The following HHAT variants were observed in gnomAD, a reference collection of about 807,000 sequenced individuals.
The protein encoded by HHAT is protein-cysteine N-palmitoyltransferase HHAT.
A neutral mutation model predicts 70.8 loss-of-function variants in HHAT; 47 were observed. That is an observed-to-expected ratio of 0.66 (90% CI 0.53 to 0.85). HHAT has a LOEUF of 0.85. HHAT is among the 40% of genes least tolerant of loss of function. HHAT has a pLI of 0.00. For missense variants in HHAT, 609 were observed against 604.8 expected (o/e 1.01, Z -0.07); for synonymous variants, 228 against 247.6 (o/e 0.92, Z 0.74).
At chr1:210,447,148 G>A (rs12025108) in intron 7 of HHAT, among the ~76,000 whole-genome samples, 52,182 of 151,968 alleles carry the variant, frequency 0.34, 9,395 homozygotes, top group Admixed American at 0.48. Flanking sequence ...GTGACGTTGG[G>A]AAAACCACTT....
chr1:210,455,713 A>G (rs191775121), intron 7 of HHAT, among the ~76,000 whole-genome samples: 308 of 152,276 alleles, frequency 2.0e-3, no homozygotes, highest in Non-Finnish European at 3.3e-3. Flanking sequence ...GAATGGAGCA[A>G]ACACTGGTTT....
chr1:210,385,466 G>C (rs925899846), intron 3 of HHAT, among the ~76,000 whole-genome samples: 1 of 152,146 alleles, frequency 6.6e-6, no homozygotes. Context: ...TCAGGAGCCA[G>C]GTTAAAGCTT....
chr1:210,342,744 G>C (rs1161586544), intron 1 of HHAT, among the ~76,000 whole-genome samples: 1 of 152,206 alleles, frequency 6.6e-6, no homozygotes, highest in Non-Finnish European at 1.5e-5. Context: ...TGCTTGTTTA[G>C]AGTATGAGAA....
intron 10 of HHAT, among the ~76,000 whole-genome samples, chr1:210,623,156 C>T (rs777206219): frequency 3.3e-5 from 5 of 152,184 alleles, no homozygotes; most frequent in Admixed American, 2.6e-4. Flanking sequence ...ACTGCAGCCT[C>T]GAACTCCCGG....
At chr1:210,436,147 G>T (rs1476317902) in intron 7 of HHAT, among the ~76,000 whole-genome samples, 1 of 151,776 alleles carries the variant, frequency 6.6e-6, no homozygotes, top group African/African-American at 2.4e-5. Context: ...TATGGTGAGA[G>T]ATAGAGGTCT....
intron 11 of HHAT, among the ~76,000 whole-genome samples, chr1:210,635,678 G>A (rs1316394298): frequency 6.6e-6 from 1 of 152,140 alleles, no homozygotes; most frequent in African/African-American, 2.4e-5. Context: ...CTCTGAGATG[G>A]GCAAAAATAC....
At chr1:210,595,095 C>A (rs1192755879) in intron 10 of HHAT, among the ~76,000 whole-genome samples, 1 of 152,080 alleles carries the variant, frequency 6.6e-6, no homozygotes, top group East Asian at 1.9e-4. Context: ...AGGTATATCT[C>A]CTAATGCTAT....
chr1:210,334,663 C>A (rs1035955417), intron 1 of HHAT, among the ~76,000 whole-genome samples: 1 of 151,706 alleles, frequency 6.6e-6, no homozygotes, highest in African/African-American at 2.4e-5. Flanking sequence ...AGTGTATACA[C>A]CCTACCTTTT....
chr1:210,468,816 A>G (rs1189164527), intron 8 of HHAT, among the ~76,000 whole-genome samples: 8 of 152,126 alleles, frequency 5.3e-5, no homozygotes, highest in African/African-American at 1.9e-4. Flanking sequence ...GAATAGGGTG[A>G]GCATAAAGAA....
At chr1:210,437,254 G>A (rs1002979416) in intron 7 of HHAT, among the ~76,000 whole-genome samples, 2 of 151,876 alleles carry the variant, frequency 1.3e-5, no homozygotes, top group East Asian at 3.8e-4. Flanking sequence ...GAATCCCATA[G>A]CCCATCGTCT....
chr1:210,650,019 C>T (rs1187042516), intron 11 of HHAT, among the ~76,000 whole-genome samples: 1 of 152,164 alleles, frequency 6.6e-6, no homozygotes, highest in Non-Finnish European at 1.5e-5. Flanking sequence ...ACATTCTTGT[C>T]AGAGTTTTTC....
chr1:210,515,387 A>G (rs1159396597), intron 9 of HHAT, among the ~76,000 whole-genome samples: 4 of 152,192 alleles, frequency 2.6e-5, no homozygotes, highest in Admixed American at 6.5e-5. Flanking sequence ...GGCTGGGAGC[A>G]GAGTCAGTTC....
chr1:210,587,766 T>A (rs773058235), intron 9 of HHAT, 132 bp from the exon 10 acceptor site: 10 of 699,780 alleles, frequency 1.4e-5, no homozygotes, highest in Admixed American at 1.0e-4. Flanking sequence ...ATCCAAGGAA[T>A]CTGGCCTCTT....
At position 210,336,287 on chromosome 1, in the gene HHAT, A is replaced by ATTTTTTTTTTTTTTTTTTTTTTT. The variant is rs541795412; in HGVS notation, c.-44+7184_-44+7206dup. On this transcript the variant is annotated intron_variant, in intron 1 of 11. Coordinates refer to ENST00000261458, the MANE Select transcript of HHAT (RefSeq NM_018194.6). ...AGGCATGCACCACTGTGCCTGGCTAATTTTTTTTTTTTTTTTTTTTTTTAG... is the reference window on the plus strand; with the variant it reads ...AGGCATGCACCACTGTGCCTGGCTAATTTTTTTTTTTTTTTTTTTTTTTTTTTTTTTTTTTTTTTTTTTTTTAG... 3.5e-3 allele frequency among the ~76,000 whole-genome samples: 299 copies of ATTTTTTTTTTTTTTTTTTTTTTT among 84,568 alleles called. 36 individuals carry two copies. The highest frequency in any genetic ancestry group is 4.6e-3 in the Non-Finnish European group (195 of 42,320). 55.5% of individuals were successfully genotyped at this position (84,568 alleles called of 152,430 possible). A position where few individuals can be genotyped will look rare whatever the true frequency, so the allele number is the denominator to read the frequency against.
intron 10 of HHAT, among the ~76,000 whole-genome samples, chr1:210,607,379 GT>G (rs869123763): frequency 6.9e-5 from 1 of 14,406 alleles, no homozygotes; most frequent in Non-Finnish European, 4.2e-4. Context: ...TGTTTATGTT[GT>G]TTAATTGGAT....
At chr1:210,649,684 C>A (rs571305466) in intron 11 of HHAT, among the ~76,000 whole-genome samples, 1 of 152,330 alleles carries the variant, frequency 6.6e-6, no homozygotes, top group South Asian at 2.1e-4. Context: ...TATGTGTTGT[C>A]AACTCTCATG....
At chr1:210,339,048 C>G (rs180927318) in intron 1 of HHAT, among the ~76,000 whole-genome samples, 1 of 151,976 alleles carries the variant, frequency 6.6e-6, no homozygotes, top group African/African-American at 2.4e-5. Flanking sequence ...TGTCTCAAAA[C>G]AAAAACAACA....
chr1:210,582,788 G>A (rs1480637489), intron 9 of HHAT, among the ~76,000 whole-genome samples: 1 of 152,222 alleles, frequency 6.6e-6, no homozygotes, highest in Admixed American at 6.5e-5. Context: ...TTGTGGGACA[G>A]AGGGCAACTA....
intron 1 of HHAT, among the ~76,000 whole-genome samples, chr1:210,338,840 G>C (rs1165087017): frequency 1.3e-5 from 2 of 152,118 alleles, no homozygotes; most frequent in Non-Finnish European, 2.9e-5. Flanking sequence ...TATTTTTTTA[G>C]AAATCTGTAT....
Sources: allele counts gnomAD v4.1 joint callset (sites outside exome capture counted in the v4.1 genomes callset), GRCh38; gene constraint gnomAD v4.1.1; transcripts MANE v1.5; gene names NCBI Gene and HGNC (gene_info 2026-07-23, HGNC 2026-07-21).